Variants in MITF observed in about 807,000 individuals in gnomAD.
The protein encoded by MITF is microphthalmia-associated transcription factor.
MITF carries 17 observed loss-of-function variants against 60.5 expected under a neutral mutation model. The ratio of observed to expected loss-of-function variants is 0.28; its 90% CI spans 0.19 to 0.42. MITF has a LOEUF of 0.42. Ranked by LOEUF, MITF falls within the 10% of genes least tolerant of loss-of-function variation. The pLI is 1.00. For synonymous variants in MITF, 260 were observed against 248.5 expected (o/e 1.05, Z -0.43); for missense variants, 622 against 683.5 (o/e 0.91, Z 1.00).
chr3:69,886,692 G>T (rs1429026080), intron 2 of MITF, among the ~76,000 whole-genome samples: 1 of 152,018 alleles, frequency 6.6e-6, no homozygotes, highest in African/African-American at 2.4e-5. Context: ...ATATCCTCAT[G>T]AGTCTCCACA....
chr3:69,803,946 AT>A (rs1356361555), intron 1 of MITF, among the ~76,000 whole-genome samples: 1 of 151,308 alleles, frequency 6.6e-6, no homozygotes, highest in Non-Finnish European at 1.5e-5. Flanking sequence ...TAGGCTGTTA[AT>A]TTTTTTTTCT....
At chr3:69,936,829 T>G (rs954010524) in intron 2 of MITF, 34 of 1,382,474 alleles carry the variant, frequency 2.5e-5, no homozygotes, top group Non-Finnish European at 3.3e-5. Flanking sequence ...CTTTTTGTTA[T>G]TGTAATAGAC....
intron 2 of MITF, among the ~76,000 whole-genome samples, chr3:69,930,158 G>A (rs946341167): frequency 1.3e-5 from 2 of 152,122 alleles, no homozygotes; most frequent in Non-Finnish European, 2.9e-5. Flanking sequence ...GTGCCGTCTC[G>A]TAGGCCAGTG....
chr3:69,867,327 T>TA (rs1324996189), intron 1 of MITF, among the ~76,000 whole-genome samples: 3 of 152,150 alleles, frequency 2.0e-5, no homozygotes, highest in Non-Finnish European at 4.4e-5. Context: ...ATTTGATTCT[T>TA]AAAAAATATA....
At position 69,950,551 on chromosome 3, in the gene MITF, C is replaced by T. The variant is rs142589502; in HGVS notation, c.881-1261C>T. On this transcript the variant is annotated intron_variant, in intron 6 of 9. Coordinates refer to ENST00000352241, the MANE Select transcript of MITF (RefSeq NM_001354604.2). ...ACATGGATGTATGCATATAGATATG[C>T]ATATATACATGGATGTATGCATATA... Among the ~76,000 whole-genome samples the T allele has an allele frequency of 4.7e-3, 686 of 144,550 alleles. 8 individuals carry two copies. Among genetic ancestry groups the T allele is most frequent in the South Asian group, 0.017 (76 of 4,552 alleles). 94.8% of individuals were successfully genotyped at this position (144,550 alleles called of 152,430 possible).
intron 1 of MITF, among the ~76,000 whole-genome samples, chr3:69,831,427 G>A (rs1386444453): frequency 3.3e-5 from 5 of 152,072 alleles, no homozygotes; most frequent in Admixed American, 1.3e-4. Context: ...AAGACCTTCC[G>A]TTCTTTGCTG....
chr3:69,869,074 A>G (rs543815350), intron 1 of MITF, among the ~76,000 whole-genome samples: 2 of 152,164 alleles, frequency 1.3e-5, no homozygotes, highest in Non-Finnish European at 2.9e-5. Flanking sequence ...TCTCTGGATG[A>G]TTCAAGCAAA....
chr3:69,914,551 A>G (rs1481767804), intron 2 of MITF, among the ~76,000 whole-genome samples: 6 of 152,210 alleles, frequency 3.9e-5, no homozygotes, highest in Admixed American at 3.3e-4. Flanking sequence ...TACTTGCACA[A>G]ATTATTGCTT....
chr3:69,860,568 C>CGCCTGGG (rs1181388157), intron 1 of MITF, among the ~76,000 whole-genome samples: 1 of 144,792 alleles, frequency 6.9e-6, no homozygotes, highest in East Asian at 2.0e-4. Context: ...ACAGCACTCC[C>CGCCTGGG]GCCTGGGCGA....
intron 1 of MITF, among the ~76,000 whole-genome samples, chr3:69,763,078 A>C (rs1296035245): frequency 1.3e-5 from 2 of 152,200 alleles, no homozygotes; most frequent in Non-Finnish European, 2.9e-5. Flanking sequence ...AACAGTGTTT[A>C]TGGCTGCTGT....
intron 1 of MITF, among the ~76,000 whole-genome samples, chr3:69,759,551 G>A (rs572608884): frequency 2.6e-5 from 4 of 152,286 alleles, no homozygotes; most frequent in Non-Finnish European, 5.9e-5. Flanking sequence ...GTTGATTTTG[G>A]GTTTACAAAT....
At chr3:69,917,903 T>C (rs1332065308) in intron 2 of MITF, among the ~76,000 whole-genome samples, 3 of 152,190 alleles carry the variant, frequency 2.0e-5, no homozygotes, top group Non-Finnish European at 4.4e-5. Context: ...GCTAGCATGG[T>C]TGGGGACCAC....
intron 2 of MITF, among the ~76,000 whole-genome samples, chr3:69,902,062 A>T (rs2065005559): frequency 2.6e-5 from 4 of 152,192 alleles, no homozygotes; most frequent in Admixed American, 2.6e-4. Flanking sequence ...CTGGCAGTGG[A>T]GATGGAACCT....
intron 5 of MITF, among the ~76,000 whole-genome samples, chr3:69,946,716 G>A (rs936032442): frequency 1.1e-4 from 17 of 152,280 alleles, no homozygotes; most frequent in African/African-American, 3.4e-4. Context: ...TAGATAGAGG[G>A]CTATAAGCTT....
chr3:69,892,932 A>C (rs1052013749), intron 2 of MITF, among the ~76,000 whole-genome samples: 1 of 152,210 alleles, frequency 6.6e-6, no homozygotes, highest in African/African-American at 2.4e-5. Context: ...CAGTATATCC[A>C]GTGCATGTGG....
intron 1 of MITF, among the ~76,000 whole-genome samples, chr3:69,873,120 G>A (rs2064275319): frequency 6.6e-6 from 1 of 152,172 alleles, no homozygotes; most frequent in Non-Finnish European, 1.5e-5. Context: ...ACCCAAGTTA[G>A]GTGTTGACAG....
intron 2 of MITF, among the ~76,000 whole-genome samples, chr3:69,918,654 C>T (rs1055928839): frequency 3.9e-5 from 6 of 152,156 alleles, no homozygotes; most frequent in Non-Finnish European, 7.3e-5. Flanking sequence ...GTTATGTAAC[C>T]CTCTGCCCTC....
chr3:69,848,278 C>T (rs906266433), intron 1 of MITF, among the ~76,000 whole-genome samples: 1 of 152,174 alleles, frequency 6.6e-6, no homozygotes, highest in African/African-American at 2.4e-5. Flanking sequence ...TCCTGGCCAG[C>T]GTTCTGGGGA....
chr3:69,955,667 T>C (rs967101629), intron 7 of MITF, among the ~76,000 whole-genome samples: 1 of 151,832 alleles, frequency 6.6e-6, no homozygotes, highest in Non-Finnish European at 1.5e-5. Context: ...GTACAAAAAT[T>C]AGCCAGGTGT....
Sources: allele counts gnomAD v4.1 joint callset (sites outside exome capture counted in the v4.1 genomes callset), GRCh38; gene constraint gnomAD v4.1.1; transcripts MANE v1.5; gene names NCBI Gene and HGNC (gene_info 2026-07-23, HGNC 2026-07-21).